Variants in SPG11 observed in about 807,000 individuals in gnomAD.
SPG11 encodes the protein spatacsin.
SPG11 carries 222 observed loss-of-function variants against 274.0 expected under a neutral mutation model. The observed-to-expected ratio is 0.81, with a 90% confidence interval of 0.73 to 0.91. The LOEUF is 0.91. SPG11 is among the 40% of genes least tolerant of loss of function. The pLI, the probability that SPG11 is intolerant of heterozygous loss-of-function variation, is 0.00. For synonymous variants in SPG11, 1,144 were observed against 1,039.7 expected (o/e 1.10, Z -1.93); for missense variants, 3,114 against 2,872.7 (o/e 1.08, Z -1.92).
In SPG11 at chr15:44,578,174, G is replaced by A. The variant is rs185331381; in HGVS notation, c.5867-3133C>T. Among the ~76,000 whole-genome samples, 1,388 of 150,974 alleles carry A rather than the reference G, an allele frequency of 9.2e-3. 28 individuals are homozygous for A. The highest frequency in any genetic ancestry group is 0.032 in the African/African-American group (1,328 of 41,116). ...CGAGGAGCTGGGACTATAGGCGCCC[G>A]CCACCACGCGTGGCTATTTTTTTTT... On this transcript the variant is annotated intron_variant, in intron 30 of 39. Transcript: ENST00000261866.
chr15:44,641,702 A>C (rs1434528854), intron 7 of SPG11, among the ~76,000 whole-genome samples: 1 of 151,560 alleles, frequency 6.6e-6, no homozygotes, highest in Admixed American at 6.6e-5. Context: ...GTTATAAATT[A>C]AGTGCTGGCA....
intron 15 of SPG11, among the ~76,000 whole-genome samples, chr15:44,617,947 A>T (rs138106442): frequency 0.015 from 2,206 of 151,868 alleles, 56 homozygotes; most frequent in East Asian, 0.1. Context: ...AAGTGCTGGG[A>T]TTACAGGTGT....
chr15:44,573,947 A>G lies in SPG11; in HGVS notation c.6007-202T>C, dbSNP rs747926340. The G allele has an allele frequency of 7.0e-5, 43 of 611,014 alleles. No homozygotes were observed. The Middle Eastern group carries it at 1.3e-3, about 19-fold the overall frequency. 37.8% of individuals were successfully genotyped at this position (611,014 alleles called of 1,614,324 possible). On this transcript the variant is annotated intron_variant, in intron 31 of 39. Transcript: ENST00000261866. ...ACCAAAGCCAAATCCAGGTAAAAGAAAGGCTTGTATTCAGAAAGCATCAGG... is the reference window on the plus strand; with the variant it reads ...ACCAAAGCCAAATCCAGGTAAAAGAGAGGCTTGTATTCAGAAAGCATCAGG...
chr15:44,654,726 C>T (rs2084887086), intron 4 of SPG11, among the ~76,000 whole-genome samples: 1 of 151,908 alleles, frequency 6.6e-6, no homozygotes. Flanking sequence ...ATCCCAGCTA[C>T]TCAGGATGCT....
intron 26 of SPG11, among the ~76,000 whole-genome samples, chr15:44,593,659 TA>T (rs972934423): frequency 6.6e-6 from 1 of 152,164 alleles, no homozygotes; most frequent in African/African-American, 2.4e-5. Context: ...ATACACCACT[TA>T]CTGAAGTATT....
chr15:44,576,565 C>T (rs1295804766), intron 30 of SPG11, among the ~76,000 whole-genome samples: 8 of 151,206 alleles, frequency 5.3e-5, no homozygotes, highest in South Asian at 4.2e-4. Flanking sequence ...AGGAGAATGG[C>T]GTGAACCCGG....
chr15:44,633,414 A>C (rs2084139767), intron 8 of SPG11, 91 bp downstream of exon 8: 1 of 985,706 alleles, frequency 1.0e-6, no homozygotes, highest in South Asian at 1.7e-5. Flanking sequence ...TGGCAAGTAA[A>C]TGAGTCATCA....
intron 30 of SPG11, among the ~76,000 whole-genome samples, chr15:44,583,502 T>C (rs572133961): frequency 5.3e-5 from 8 of 152,130 alleles, no homozygotes; most frequent in Non-Finnish European, 1.0e-4. Context: ...CAAAAAGCCA[T>C]ATTTCTATAT....
At chr15:44,590,126 G>T in intron 27 of SPG11, among the ~76,000 whole-genome samples, 1 of 152,106 alleles carries the variant, frequency 6.6e-6, no homozygotes, top group East Asian at 1.9e-4. Flanking sequence ...CTTTAAAGAG[G>T]GATGTAGGCC....
chr15:44,641,072 GA>G (rs1336049689), intron 7 of SPG11, among the ~76,000 whole-genome samples: 1 of 152,128 alleles, frequency 6.6e-6, no homozygotes. Context: ...ATCGGTATGG[GA>G]AAAAATTAAA....
intron 26 of SPG11, 34 bp from the exon 27 acceptor site, chr15:44,592,472 T>C: frequency 7.9e-7 from 1 of 1,273,002 alleles, no homozygotes; most frequent in Non-Finnish European, 1.1e-6. Context: ...ATTACAAAAT[T>C]TTGAACTTAA....
chr15:44,610,744 G>C (rs1007605180), intron 18 of SPG11, 96 bp downstream of exon 18: 5 of 1,216,310 alleles, frequency 4.1e-6, no homozygotes, highest in Non-Finnish European at 6.0e-6. Context: ...CTTGAATATA[G>C]TTATATTTTA....
intron 36 of SPG11, among the ~76,000 whole-genome samples, chr15:44,566,892 A>G (rs2082320776): frequency 6.6e-6 from 1 of 151,928 alleles, no homozygotes; most frequent in African/African-American, 2.4e-5. Flanking sequence ...TAGTAGAGAC[A>G]GGATTGCACC....
chr15:44,644,982 A>T (rs2084564481), intron 7 of SPG11, among the ~76,000 whole-genome samples: 1 of 152,246 alleles, frequency 6.6e-6, no homozygotes, highest in African/African-American at 2.4e-5. Context: ...ATATTGTTAA[A>T]ATGGTCATAC....
At chr15:44,570,736 A>G in intron 33 of SPG11, 78 bp from the exon 34 acceptor site, 1 of 1,564,236 alleles carries the variant, frequency 6.4e-7, no homozygotes, top group Non-Finnish European at 8.7e-7. Context: ...CAGGAGGGAA[A>G]AAGGGCCTGG....
chr15:44,573,867 T>C, intron 31 of SPG11, 122 bp from the exon 32 acceptor site: 1 of 894,886 alleles, frequency 1.1e-6, no homozygotes, highest in Non-Finnish European at 1.8e-6. Context: ...CTCCTCACCC[T>C]CAGCAGGAAC....
In SPG11 at chr15:44,566,280, C is replaced by T. The variant is rs770643416; in HGVS notation, c.6780G>A (p.Gln2260=). Residue 2260 remains glutamine, a synonymous_variant, in exon 37 of 40, where the codon CAG becomes CAA. Coordinates refer to ENST00000261866, the MANE Select transcript of SPG11 (RefSeq NM_025137.4). ...PWEDSLKDGH[Q]LKQLLLKALT... ...GGGCCTTCAGCAGCAGTTGTTTCAGCTGGTGCCCATCCTTGAGGCTGTCCT... is the reference window on the plus strand; with the variant it reads ...GGGCCTTCAGCAGCAGTTGTTTCAGTTGGTGCCCATCCTTGAGGCTGTCCT... 22 of 1,614,090 alleles carry T rather than the reference C, an allele frequency of 1.4e-5. No individual in the cohort carries two copies. The South Asian group carries it at 1.5e-4, about 11-fold the overall frequency.
In SPG11 at chr15:44,566,228, T is replaced by A; in HGVS notation, c.6832A>T (p.Ser2278Cys). Reference sequence around the variant, plus strand: ...AGCCTTTGGGTTACCTTGGCATAACTCTCTGCTGCATCCAACATCAGAGTC... The same window carrying A: ...AGCCTTTGGGTTACCTTGGCATAACACTCTGCTGCATCCAACATCAGAGTC... Reference protein sequence around the residue: ...ALTLMLDAAESYAKDSCVRQA... With the variant: ...ALTLMLDAAECYAKDSCVRQA... The change falls in exon 37 of 40, where the codon AGT (serine) becomes TGT (cysteine). Residue 2278 changes from serine to cysteine, a missense_variant. Physicochemically the swap from Ser to Cys is moderately radical, Grantham distance 112. Transcript: ENST00000261866. 6.2e-7 allele frequency: 1 copy of A among 1,614,124 alleles called. No individual in the cohort carries two copies. Among genetic ancestry groups the A allele is most frequent in the Non-Finnish European group, 8.5e-7 (1 of 1,179,986 alleles).
chr15:44,583,744 C>G (rs2082700102), intron 30 of SPG11, 70 bp downstream of exon 30: 2 of 1,604,498 alleles, frequency 1.2e-6, no homozygotes, highest in Non-Finnish European at 1.7e-6. Flanking sequence ...CCACAAGGGT[C>G]CCTTCCTTCT....
Sources: gnomAD v4.1 joint callset for allele counts (sites outside exome capture counted in the v4.1 genomes callset) on GRCh38, gnomAD v4.1.1 for gene constraint, MANE v1.5 for transcripts, NCBI Gene and HGNC (gene_info 2026-07-23, HGNC 2026-07-21) for gene names.